Variants in RP1 observed in about 807,000 individuals in gnomAD.
RP1 encodes RP1 axonemal microtubule associated.
RP1 carries 16 observed loss-of-function variants against 14.8 expected under a neutral mutation model. The ratio of observed to expected loss-of-function variants is 1.08; its 90% CI spans 0.73 to 1.65. RP1 has a LOEUF of 1.65. Ranked by LOEUF, RP1 falls within the 40% of genes most tolerant of loss-of-function variation. The pLI is 0.00. For synonymous variants in RP1, 876 were observed against 883.6 expected (o/e 0.99, Z 0.15); for missense variants, 2,631 against 2,535.0 (o/e 1.04, Z -0.81).
At chr8:54,820,829 G>C (rs534511000) in intron 24 of RP1, among the ~76,000 whole-genome samples, 2 of 151,974 alleles carry the variant, frequency 1.3e-5, no homozygotes, top group African/African-American at 2.4e-5. Context: ...GGATCGCTGC[G>C]GGCCATCTTT....
intron 13 of RP1, among the ~76,000 whole-genome samples, chr8:54,700,635 C>A (rs186558309): frequency 6.6e-6 from 1 of 152,242 alleles, no homozygotes; most frequent in East Asian, 1.9e-4. Context: ...GAAGAAATAT[C>A]TCTTCAACTA....
chr8:54,786,060 A>G (rs1810310455), intron 24 of RP1, among the ~76,000 whole-genome samples: 1 of 152,064 alleles, frequency 6.6e-6, no homozygotes, highest in Non-Finnish European at 1.5e-5. Context: ...TATGTTTTAC[A>G]ATTTTTTCTC....
chr8:54,622,052 G>A (rs1805895063), intron 2 of RP1, 65 bp from the exon 3 acceptor site: 1 of 1,544,746 alleles, frequency 6.5e-7, no homozygotes, highest in Non-Finnish European at 8.9e-7. Context: ...TTCAAGCAAA[G>A]TTATAAAATT....
At chr8:54,737,997 T>C (rs573658950) in intron 18 of RP1, among the ~76,000 whole-genome samples, 1 of 152,278 alleles carries the variant, frequency 6.6e-6, no homozygotes, top group East Asian at 1.9e-4. Context: ...TTAAAAAAAA[T>C]CCTCACAGTT....
intron 12 of RP1, among the ~76,000 whole-genome samples, chr8:54,685,578 G>A (rs778302511): frequency 1.3e-5 from 2 of 151,998 alleles, no homozygotes; most frequent in Non-Finnish European, 2.9e-5. Context: ...TCTTATATAG[G>A]GCTGTCCATC....
chr8:54,602,559 G>A (rs554988973), intron 1 of RP1, among the ~76,000 whole-genome samples: 57 of 152,172 alleles, frequency 3.7e-4, no homozygotes, highest in African/African-American at 1.3e-3. Flanking sequence ...CCCAGTAATG[G>A]GATGGCTGGG....
chr8:54,608,293 T>C (rs887506988), intron 1 of RP1, among the ~76,000 whole-genome samples: 1 of 151,492 alleles, frequency 6.6e-6, no homozygotes, highest in African/African-American at 2.4e-5. Flanking sequence ...AGTTCAAGTG[T>C]GAATCATCCA....
At chr8:54,837,617 C>G in exon 25 of RP1, 3 of 1,231,808 alleles carry the variant, frequency 2.4e-6, no homozygotes, top group Non-Finnish European at 3.0e-6. Flanking sequence ...AAAATGATGG[C>G]GATCTATGGA....
intron 8 of RP1, among the ~76,000 whole-genome samples, chr8:54,676,527 GATAA>G (rs1207430530): frequency 6.6e-6 from 1 of 152,180 alleles, no homozygotes; most frequent in African/African-American, 2.4e-5. Flanking sequence ...AAGATAGTAA[GATAA>G]ATGATTACTG....
chr8:54,587,008 C>T (rs1804944641), intron 1 of RP1, among the ~76,000 whole-genome samples: 1 of 152,192 alleles, frequency 6.6e-6, no homozygotes. Flanking sequence ...TGTCCTGCAC[C>T]TACTGTCTGA....
intron 24 of RP1, among the ~76,000 whole-genome samples, chr8:54,788,897 C>A (rs965324458): frequency 2.0e-5 from 3 of 152,116 alleles, no homozygotes; most frequent in Non-Finnish European, 4.4e-5. Context: ...GGCTGATGCA[C>A]CCCACAGAAA....
chr8:54,749,439 G>A (rs1359903483), intron 19 of RP1, among the ~76,000 whole-genome samples: 1 of 152,138 alleles, frequency 6.6e-6, no homozygotes, highest in Non-Finnish European at 1.5e-5. Flanking sequence ...TATGGCAGAG[G>A]GCAGTTGGCT....
At position 54,710,848 on chromosome 8, in the gene RP1, G is replaced by A. The variant is rs193250789; in HGVS notation, c.2211+4193G>A. Reference sequence around the variant, plus strand: ...GGATGGGGAGGTGGGGCAGGCCATAGGTAGTTTTGGAAAAGGCAACATTCG... The same window carrying A: ...GGATGGGGAGGTGGGGCAGGCCATAAGTAGTTTTGGAAAAGGCAACATTCG... On this transcript the variant is annotated intron_variant, in intron 15 of 22. Coordinates refer to the RP1 transcript ENST00000636932. Among the ~76,000 whole-genome samples the A allele has an allele frequency of 2.9e-3, 444 of 152,236 alleles. 1 individual carries two copies. The highest frequency in any genetic ancestry group is 4.1e-3 in the Admixed American group (62 of 15,290).
intron 1 of RP1, among the ~76,000 whole-genome samples, chr8:54,561,277 C>T (rs1804280781): frequency 6.6e-6 from 1 of 152,272 alleles, no homozygotes; most frequent in Non-Finnish European, 1.5e-5. Flanking sequence ...CAAAAATATA[C>T]CATGAAATCA....
At chr8:54,758,872 C>T in intron 21 of RP1, 1 of 1,524,248 alleles carries the variant, frequency 6.6e-7, no homozygotes, top group African/African-American at 1.4e-5. Context: ...TTTGTCATGC[C>T]TCGGACTCTA....
chr8:54,770,221 GT>G, downstream of RP1: 1 of 399,432 alleles, frequency 2.5e-6, no homozygotes, highest in Non-Finnish European at 4.4e-6. Context: ...ATCCATTTCT[GT>G]TTCAAGATTA....
At chr8:54,742,907 C>T (rs1237060289) in intron 19 of RP1, among the ~76,000 whole-genome samples, 1 of 152,246 alleles carries the variant, frequency 6.6e-6, no homozygotes, top group East Asian at 1.9e-4. Flanking sequence ...AAAACATCCC[C>T]AGCAGAAGCT....
At position 54,626,762 on chromosome 8, in the gene RP1, T is replaced by C. The variant is rs1464707657; in HGVS notation, c.2880T>C (p.Asn960=). The change falls in exon 4 of 4, where the codon AAT becomes AAC. Residue 960 remains asparagine, a synonymous_variant. Transcript: ENST00000220676. ...TTTCAGGGAATGATCCCCATACAAA[T>C]TCTGGAAAAATAAGTAATTTTGTTA... The part of the protein sequence containing the change: ...NSFSGNDPHT[N]SGKISNFVME... 1 of 1,613,868 alleles carries C rather than the reference T, an allele frequency of 6.2e-7. No individual in the cohort carries two copies. Among genetic ancestry groups the C allele is most frequent in the Admixed American group, 1.7e-5 (1 of 60,014 alleles).
At chr8:54,698,687 A>G (rs1807934301) in intron 12 of RP1, among the ~76,000 whole-genome samples, 1 of 152,176 alleles carries the variant, frequency 6.6e-6, no homozygotes, top group Admixed American at 6.5e-5. Context: ...GCACATATAC[A>G]CCATGGAATA....
Sources: gnomAD v4.1 joint callset for allele counts (sites outside exome capture counted in the v4.1 genomes callset) on GRCh38, gnomAD v4.1.1 for gene constraint, MANE v1.5 for transcripts, NCBI Gene and HGNC (gene_info 2026-07-23, HGNC 2026-07-21) for gene names.